TBXAS1: variants seen among roughly 807,000 people sequenced by gnomAD.
TBXAS1 encodes the protein thromboxane A synthase 1, also known as thromboxane-A synthase.
A neutral mutation model predicts 60.7 loss-of-function variants in TBXAS1; 48 were observed. The observed-to-expected ratio is 0.79, with a 90% CI of 0.63 to 1.01. TBXAS1 has a LOEUF of 1.01. TBXAS1 is among the 50% of genes least tolerant of loss of function. The pLI, the probability that TBXAS1 is intolerant of heterozygous loss-of-function variation, is 0.00. For missense variants in TBXAS1, 685 were observed against 686.3 expected (o/e 1.00, Z 0.02); for synonymous variants, 287 against 269.7 (o/e 1.06, Z -0.63).
At chr7:139,945,028 A>G (rs1808590333) in intron 5 of TBXAS1, among the ~76,000 whole-genome samples, 1 of 152,234 alleles carries the variant, frequency 6.6e-6, no homozygotes, top group South Asian at 2.1e-4. Context: ...AGGAGTCAGG[A>G]TATCTGGGGT....
chr7:139,823,826 G>C (rs189503528), intron 4 of TBXAS1, among the ~76,000 whole-genome samples: 1 of 152,314 alleles, frequency 6.6e-6, no homozygotes, highest in Admixed American at 6.5e-5. Context: ...AAAAGTATTG[G>C]TCACTTACTT....
chr7:139,829,534 C>G (rs1486366675), intron 1 of TBXAS1, 55 bp downstream of exon 1: 6 of 1,537,640 alleles, frequency 3.9e-6, no homozygotes, highest in East Asian at 2.3e-5. Flanking sequence ...CACCCTGGAG[C>G]CTTGCTGGTG....
chr7:139,986,799 GTATATA>G (rs58751653), intron 9 of TBXAS1, among the ~76,000 whole-genome samples: 3,036 of 81,526 alleles, frequency 0.037, 90 homozygotes, highest in East Asian at 0.11. Context: ...GTGTGTGTGT[GTATATA>G]TATATATATA....
At chr7:139,899,775 G>T (rs1804427839) in intron 3 of TBXAS1, among the ~76,000 whole-genome samples, 1 of 152,160 alleles carries the variant, frequency 6.6e-6, no homozygotes, top group Non-Finnish European at 1.5e-5. Flanking sequence ...GCCACAGTCT[G>T]CACAGCTGGG....
chr7:139,879,192 CCACCACCACCAT>C (rs1246822568), intron 3 of TBXAS1, among the ~76,000 whole-genome samples: 3 of 152,290 alleles, frequency 2.0e-5, no homozygotes, highest in East Asian at 1.9e-4. Context: ...AACACTGCCA[CCACCACCACCAT>C]CACCACCACC....
At chr7:139,943,470 C>A (rs1808451995) in intron 5 of TBXAS1, among the ~76,000 whole-genome samples, 1 of 152,220 alleles carries the variant, frequency 6.6e-6, no homozygotes, top group Non-Finnish European at 1.5e-5. Context: ...CATGGGCACC[C>A]CAGCCTGGGT....
intron 3 of TBXAS1, among the ~76,000 whole-genome samples, chr7:139,905,162 AGTG>A (rs571850945): frequency 6.7e-6 from 1 of 148,280 alleles, no homozygotes; most frequent in South Asian, 2.1e-4. Flanking sequence ...GTTGAAGAGG[AGTG>A]GTGGGAGTGG....
At chr7:139,861,048 C>T (rs193076588) in intron 1 of TBXAS1, among the ~76,000 whole-genome samples, 2 of 151,982 alleles carry the variant, frequency 1.3e-5, no homozygotes, top group South Asian at 4.2e-4. Flanking sequence ...GTGGCACATG[C>T]CTGTAATCCC....
chr7:139,879,832 T>TTGTGTG (rs57176056), intron 3 of TBXAS1, among the ~76,000 whole-genome samples: 2,827 of 140,434 alleles, frequency 0.02, 56 homozygotes, highest in African/African-American at 0.044. Context: ...TTATCTCATT[T>TTGTGTG]TGTGTGTGTG....
chr7:140,001,860 T>C (rs537321445), intron 9 of TBXAS1, among the ~76,000 whole-genome samples: 8 of 152,216 alleles, frequency 5.3e-5, no homozygotes, highest in Non-Finnish European at 1.0e-4. Flanking sequence ...CATCCACTTT[T>C]CACTGGCTTA....
intron 9 of TBXAS1, among the ~76,000 whole-genome samples, chr7:139,986,896 G>C (rs1354322224): frequency 6.6e-6 from 1 of 150,978 alleles, no homozygotes; most frequent in Admixed American, 6.6e-5. Flanking sequence ...TTGTGTGCAA[G>C]TTTGCTTTTA....
At chr7:139,937,859 T>A (rs1353283218) in intron 5 of TBXAS1, among the ~76,000 whole-genome samples, 1 of 147,088 alleles carries the variant, frequency 6.8e-6, no homozygotes, top group Non-Finnish European at 1.5e-5. Flanking sequence ...CACGTAGGAC[T>A]GTGCCAGGGG....
intron 4 of TBXAS1, among the ~76,000 whole-genome samples, chr7:139,804,273 CT>C (rs1464239341): frequency 6.6e-6 from 1 of 152,232 alleles, no homozygotes; most frequent in Non-Finnish European, 1.5e-5. Flanking sequence ...GGATTTCAGA[CT>C]TGGATGGGGC....
At chr7:139,979,698 AT>A (rs1441941664) in intron 9 of TBXAS1, among the ~76,000 whole-genome samples, 1 of 150,638 alleles carries the variant, frequency 6.6e-6, no homozygotes, top group Non-Finnish European at 1.5e-5. Context: ...TGCACTCCCC[AT>A]TCTGGGCAAC....
At chr7:139,894,343 A>G (rs1054860333) in intron 3 of TBXAS1, among the ~76,000 whole-genome samples, 16 of 152,112 alleles carry the variant, frequency 1.1e-4, no homozygotes, top group African/African-American at 3.6e-4. Context: ...GGAGAATCAC[A>G]GTGGGGTCTC....
intron 3 of TBXAS1, among the ~76,000 whole-genome samples, chr7:139,783,919 T>G (rs965009016): frequency 3.3e-5 from 5 of 152,048 alleles, no homozygotes; most frequent in Non-Finnish European, 7.4e-5. Context: ...TAAGCAAACA[T>G]GAGTTAGTTA....
chr7:139,959,035 ACACG>A (rs1300001675), intron 8 of TBXAS1, among the ~76,000 whole-genome samples: 4 of 143,368 alleles, frequency 2.8e-5, no homozygotes, highest in East Asian at 2.1e-4. Flanking sequence ...ACACACACAC[ACACG>A]CATCCCTAGC....
chr7:140,020,205 T>C lies in TBXAS1; in HGVS notation c.*106T>C. ...AATGTCACTGAAGTGATTGAAAGAGTGCCTGGCATGCAAGGATAAGAGGTT... is the reference window on the plus strand; with the variant it reads ...AATGTCACTGAAGTGATTGAAAGAGCGCCTGGCATGCAAGGATAAGAGGTT... On this transcript the variant is annotated 3_prime_UTR_variant, in exon 13 of 13. Coordinates refer to ENST00000448866, the MANE Select transcript of TBXAS1 (RefSeq NM_001061.7). 9.5e-7 allele frequency: 1 copy of C among 1,047,718 alleles called. No homozygotes were observed. The highest frequency in any genetic ancestry group is 1.5e-6 in the Non-Finnish European group (1 of 675,680). The allele number at this position is 1,047,718 out of a possible 1,614,324, so 64.9% of individuals were successfully genotyped here. A position where few individuals can be genotyped will look rare whatever the true frequency, so the allele number is the denominator to read the frequency against.
chr7:139,787,344 T>C (rs1241740403), exon 4 of TBXAS1: 2 of 152,220 alleles, frequency 1.3e-5, no homozygotes, highest in Non-Finnish European at 2.9e-5. Flanking sequence ...TTAGGAGACA[T>C]ATACTGCCTG....
Sources: allele counts gnomAD v4.1 joint callset (sites outside exome capture counted in the v4.1 genomes callset), GRCh38; gene constraint gnomAD v4.1.1; transcripts MANE v1.5; gene names NCBI Gene and HGNC (gene_info 2026-07-23, HGNC 2026-07-21).